KLHL22: variants seen among roughly 807,000 people sequenced by gnomAD.
The protein encoded by KLHL22 is kelch-like protein 22.
In KLHL22, 18 loss-of-function variants were observed where a neutral mutation model predicts 60.7. The observed-to-expected ratio is 0.30, with a 90% CI of 0.20 to 0.44. The LOEUF (loss-of-function observed/expected upper bound fraction) is 0.44, where lower values mean the gene tolerates loss of function less well. KLHL22 is among the 20% of genes least tolerant of loss of function. The probability of loss-of-function intolerance (pLI) is 1.00; values close to 1 mark genes in which losing one functional copy is unlikely to be tolerated. For synonymous variants in KLHL22, 355 were observed against 354.5 expected, an observed-to-expected ratio of 1.00 and a Z score of -0.01; for missense variants, 596 against 852.3, an observed-to-expected ratio of 0.70 and a Z score of 3.74.
intron 5 of KLHL22, among the ~76,000 whole-genome samples, chr22:20,447,923 C>T (rs1361649088): frequency 6.6e-6 from 1 of 152,140 alleles, no homozygotes; most frequent in Admixed American, 6.5e-5. Context: ...AGAGGTCTCA[C>T]GTGCCTTCTT....
rs2053751996 is a variant in KLHL22, at chr22:20,495,344, G to A, written c.-34+416C>T. On this transcript the variant is annotated intron_variant, in intron 1 of 6. Coordinates refer to ENST00000328879, the MANE Select transcript of KLHL22 (RefSeq NM_032775.4). The surrounding 1 kb of genome is among the most constrained non-coding windows in gnomAD (Gnocchi z 4.6). ...CCCGGGCCCGATCGAGGGAACTGAG[G>A]CTCGTCAGGCCGGCCCCAAATCGCC... Among the ~76,000 whole-genome samples the A allele has an allele frequency of 6.6e-6, 1 of 152,232 alleles. No individual in the cohort carries two copies. Among genetic ancestry groups the A allele is most frequent in the African/African-American group, 2.4e-5 (1 of 41,470 alleles).
intron 5 of KLHL22, among the ~76,000 whole-genome samples, chr22:20,448,130 G>A (rs1323302054): frequency 7.9e-5 from 12 of 152,138 alleles, no homozygotes; most frequent in East Asian, 1.9e-4. Context: ...CTACAGTTTT[G>A]TAACTTCAAG....
intron 2 of KLHL22, among the ~76,000 whole-genome samples, chr22:20,478,413 C>T (rs989604607): frequency 6.6e-6 from 1 of 151,326 alleles, no homozygotes; most frequent in African/African-American, 2.4e-5. Flanking sequence ...CCATGTTGGC[C>T]AGGCTGGTCT....
In KLHL22 at chr22:20,453,307, T is replaced by C. The variant is rs56215419; in HGVS notation, c.1305+4501A>G. 2.0e-5 allele frequency among the ~76,000 whole-genome samples: 3 copies of C among 152,270 alleles called. No individual in the cohort carries two copies. The South Asian group carries it at 6.2e-4, about 32-fold the overall frequency. On this transcript the variant is annotated intron_variant, in intron 5 of 6. Transcript: ENST00000328879. ...GTTTTACATTTAACTCCATAAACCA[T>C]TTTGAATTCATTTTGGTATATGGTA...
Position 20,458,010 on chromosome 22 carries a change from G to T in KLHL22, c.1113-10C>A. 1 of 1,613,774 alleles carries T rather than the reference G, an allele frequency of 6.2e-7. No homozygotes were observed. The highest frequency in any genetic ancestry group is 8.5e-7 in the Non-Finnish European group (1 of 1,179,836). On this transcript the variant is annotated splice_polypyrimidine_tract_variant and intron_variant, in intron 4 of 6. Coordinates refer to ENST00000328879, the MANE Select transcript of KLHL22 (RefSeq NM_032775.4). ...GTGCCGTGGGTCATACCTGTGCCGA[G>T]ACATGAGGAAAGCACAGCACTGACT... is the stretch of plus-strand genomic sequence containing the variant.
At chr22:20,461,651 A>C (rs896556574) in intron 4 of KLHL22, among the ~76,000 whole-genome samples, 9 of 151,702 alleles carry the variant, frequency 5.9e-5, no homozygotes, top group Admixed American at 2.0e-4. Context: ...ATGTCTATTA[A>C]ATTTTTTAAA....
intron 6 of KLHL22, among the ~76,000 whole-genome samples, chr22:20,446,171 T>C (rs2052856461): frequency 6.6e-6 from 1 of 152,232 alleles, no homozygotes; most frequent in Non-Finnish European, 1.5e-5. Context: ...CTGTGGACTC[T>C]GGTTGATGGT....
intron 2 of KLHL22, among the ~76,000 whole-genome samples, chr22:20,473,797 C>A (rs2053365391): frequency 6.6e-6 from 1 of 152,152 alleles, no homozygotes; most frequent in Admixed American, 6.5e-5. Context: ...ATTGCTTGAA[C>A]CCAAGAGGCG....
intron 3 of KLHL22, among the ~76,000 whole-genome samples, chr22:20,470,397 CG>C (rs2053296431): frequency 6.6e-6 from 1 of 150,426 alleles, no homozygotes; most frequent in Admixed American, 6.6e-5. Context: ...CACCTGTAAT[CG>C]CAACACTTTG....
chr22:20,494,188 T>C (rs1569150426), intron 1 of KLHL22, among the ~76,000 whole-genome samples: 1 of 151,628 alleles, frequency 6.6e-6, no homozygotes, highest in East Asian at 1.9e-4. Flanking sequence ...TTGGGCAATA[T>C]AGCGCGACCC....
chr22:20,450,552 C>T lies in KLHL22; in HGVS notation c.1306-3876G>A, dbSNP rs902666632. On this transcript the variant is annotated intron_variant, in intron 5 of 6. Coordinates refer to ENST00000328879, the MANE Select transcript of KLHL22 (RefSeq NM_032775.4). ...GTATTAGGGATTTTGCTGAAACCCA[C>T]AATTGTGTTGACCTGACACAAGCAG... is the stretch of plus-strand genomic sequence containing the variant. 6 of 1,613,166 alleles carry T rather than the reference C, an allele frequency of 3.7e-6. No individual in the cohort carries two copies. In the Admixed American group the frequency reaches 6.7e-5, roughly 18 times the overall value.
chr22:20,478,225 G>A (rs2053444059), intron 2 of KLHL22, among the ~76,000 whole-genome samples: 1 of 145,118 alleles, frequency 6.9e-6, no homozygotes, highest in Non-Finnish European at 1.5e-5. Context: ...TTTTTTCTGA[G>A]GCAGAGTTTC....
At chr22:20,479,611 G>A (rs1238319456) in intron 2 of KLHL22, among the ~76,000 whole-genome samples, 1 of 152,116 alleles carries the variant, frequency 6.6e-6, no homozygotes, top group African/African-American at 2.4e-5. Context: ...GGAGGCTGAG[G>A]CAGAAGCATT....
At chr22:20,458,054 G>A (rs1327881406) in intron 4 of KLHL22, 54 bp from the exon 5 acceptor site, 21 of 1,583,250 alleles carry the variant, frequency 1.3e-5, no homozygotes, top group East Asian at 2.3e-5. Context: ...AGGCTGCTCC[G>A]CAGGCTTGCA....
chr22:20,446,632 G>A lies in KLHL22; in HGVS notation c.1350C>T (p.Ile450=), dbSNP rs762616994. Residue 450 remains isoleucine, a synonymous_variant, in exon 6 of 7, where the codon ATC becomes ATT. Transcript: ENST00000328879. ...AGATLEGKMY[I]TCGRRGEDYL... ...AATCCTCCCCTCTGCGGCCGCAGGT[G>A]ATATACATCTTCCCCTCCAGCGTCG... 1.9e-6 allele frequency: 3 copies of A among 1,613,312 alleles called. No individual in the cohort carries two copies. The highest frequency in any genetic ancestry group is 2.5e-6 in the Non-Finnish European group (3 of 1,180,038).
chr22:20,451,109 T>A lies in KLHL22; in HGVS notation c.1306-4433A>T. 2.0e-6 allele frequency: 3 copies of A among 1,484,836 alleles called. 1 individual carries two copies. The highest frequency in any genetic ancestry group is 2.8e-6 in the Non-Finnish European group (3 of 1,062,562). 92.0% of individuals were successfully genotyped at this position (1,484,836 alleles called of 1,614,324 possible). A position where few individuals can be genotyped will look rare whatever the true frequency, so the allele number is the denominator to read the frequency against. ...GCCTCAGTGTCCCTACATGACCAGATCTACGTCATTGGTGGCTGTGATGGT... is the reference window on the plus strand; with the variant it reads ...GCCTCAGTGTCCCTACATGACCAGAACTACGTCATTGGTGGCTGTGATGGT... On this transcript the variant is annotated intron_variant, in intron 5 of 6. Coordinates refer to ENST00000328879, the MANE Select transcript of KLHL22 (RefSeq NM_032775.4).
At chr22:20,480,827 C>CTTTTTTT (rs760373717) in intron 2 of KLHL22, among the ~76,000 whole-genome samples, 1 of 121,568 alleles carries the variant, frequency 8.2e-6, no homozygotes, top group African/African-American at 3.0e-5. Context: ...TTACGCCAAA[C>CTTTTTTT]TTTTTTTTTT....
chr22:20,487,057 T>C (rs2053598199), intron 2 of KLHL22, among the ~76,000 whole-genome samples: 1 of 151,972 alleles, frequency 6.6e-6, no homozygotes, highest in Non-Finnish European at 1.5e-5. Context: ...GTAACTGGGA[T>C]TACAGGCATG....
chr22:20,464,519 C>T (rs986515053), intron 4 of KLHL22, among the ~76,000 whole-genome samples: 3 of 152,210 alleles, frequency 2.0e-5, no homozygotes, highest in Non-Finnish European at 4.4e-5. Context: ...CCTCTCCATC[C>T]CAGTCCGACT....
Sources: allele counts gnomAD v4.1 joint callset (sites outside exome capture counted in the v4.1 genomes callset), GRCh38; gene constraint gnomAD v4.1.1; non-coding constraint Gnocchi (gnomAD v3.1); transcripts MANE v1.5; gene names NCBI Gene and HGNC (gene_info 2026-07-23, HGNC 2026-07-21).